The following CRAMP1 variants were observed in gnomAD, a reference collection of about 807,000 sequenced individuals.
CRAMP1 encodes the protein protein cramped-like.
Under a neutral mutation model 115.4 loss-of-function variants are expected in CRAMP1, and 50 were observed. That is an observed-to-expected ratio of 0.43 (90% confidence interval 0.35 to 0.55). The LOEUF is 0.55. Among genes scored for constraint, CRAMP1 ranks in the 20% least tolerant of loss-of-function variants. CRAMP1 has a pLI of 0.01. For missense variants in CRAMP1, 1,679 were observed against 1,721.7 expected (o/e 0.98, Z 0.44); for synonymous variants, 866 against 745.4 (o/e 1.16, Z -2.64).
intron 1 of CRAMP1, among the ~76,000 whole-genome samples, chr16:1,613,900 CAG>C (rs1318307043): frequency 1.3e-5 from 2 of 152,168 alleles, no homozygotes; most frequent in Non-Finnish European, 2.9e-5. Context: ...AGAAGATTCC[CAG>C]AGACCCGGAG....
At chr16:1,632,078 A>C (rs995963484) in intron 3 of CRAMP1, 134 bp from the exon 4 acceptor site, 5 of 929,654 alleles carry the variant, frequency 5.4e-6, no homozygotes, top group African/African-American at 3.4e-5. Flanking sequence ...CACAGATAAG[A>C]GCTTGGAAGG....
At chr16:1,670,630 T>A in intron 19 of CRAMP1, 34 bp from the exon 20 acceptor site, 1 of 1,611,640 alleles carries the variant, frequency 6.2e-7, no homozygotes, top group Non-Finnish European at 8.5e-7. Context: ...CCAAGCAGGG[T>A]TCAGGGTGTT....
intron 11 of CRAMP1, among the ~76,000 whole-genome samples, chr16:1,660,485 G>A (rs1273891741): frequency 6.6e-6 from 1 of 152,120 alleles, no homozygotes; most frequent in Non-Finnish European, 1.5e-5. Flanking sequence ...GTTAACACAA[G>A]TCCCGGAAAG....
chr16:1,655,213 C>G lies in CRAMP1; in HGVS notation c.1038-6C>G, dbSNP rs2036760634. 2 of 1,613,144 alleles carry G rather than the reference C, an allele frequency of 1.2e-6. No individual in the cohort carries two copies. The highest frequency in any genetic ancestry group is 1.7e-6 in the Non-Finnish European group (2 of 1,179,060). ...CCTCACTTCCTCCTGTCTGTCGTCT[C>G]CGTAGGATGATCGTGGAGCTACATC... On this transcript the variant is annotated splice_region_variant and splice_polypyrimidine_tract_variant and intron_variant, in intron 8 of 20. Coordinates refer to ENST00000397412, the MANE Select transcript of CRAMP1 (RefSeq NM_020825.4).
chr16:1,634,669 T>G (rs924791881), intron 4 of CRAMP1, among the ~76,000 whole-genome samples: 2 of 152,060 alleles, frequency 1.3e-5, no homozygotes, highest in Admixed American at 6.5e-5. Context: ...CGTTCTCCCG[T>G]GTTCTCCCGG....
At chr16:1,616,201 A>G (rs777799673) in intron 2 of CRAMP1, among the ~76,000 whole-genome samples, 19 of 152,230 alleles carry the variant, frequency 1.2e-4, no homozygotes, top group Non-Finnish European at 2.2e-4. Flanking sequence ...GGAAAACATG[A>G]GTGGCTTTGC....
At chr16:1,650,327 G>A (rs1435793712) in intron 6 of CRAMP1, among the ~76,000 whole-genome samples, 2 of 152,210 alleles carry the variant, frequency 1.3e-5, no homozygotes, top group African/African-American at 2.4e-5. Context: ...CTGCTTTTCA[G>A]CCAAACTGCG....
chr16:1,669,726 C>T lies in CRAMP1; in HGVS notation c.3499+561C>T, dbSNP rs61032062. On this transcript the variant is annotated intron_variant, in intron 19 of 20. Coordinates refer to ENST00000397412, the MANE Select transcript of CRAMP1 (RefSeq NM_020825.4). This position sits in a 1 kb window ranked among gnomAD's most constrained non-coding sequence, Gnocchi z 4.6. ...GGGGGTGTATCAGGGAAAGGCACACCCTGCTGCTGTTGCCTGCCCAGAGAG... is the reference window on the plus strand; with the variant it reads ...GGGGGTGTATCAGGGAAAGGCACACTCTGCTGCTGTTGCCTGCCCAGAGAG... Among the ~76,000 whole-genome samples, 4 of 152,278 alleles carry T rather than the reference C, an allele frequency of 2.6e-5. No homozygotes were observed. The highest frequency in any genetic ancestry group is 9.6e-5 in the African/African-American group (4 of 41,558).
Position 1,666,436 on chromosome 16 carries a change from G to C in CRAMP1, c.2872G>C (p.Ala958Pro). 1 of 1,613,228 alleles carries C rather than the reference G, an allele frequency of 6.2e-7. No individual in the cohort carries two copies. Among genetic ancestry groups the C allele is most frequent in the Non-Finnish European group, 8.5e-7 (1 of 1,179,532 alleles). Reference protein sequence around the residue: ...TSHLASAIDLAATSAGILSGN... With the variant: ...TSHLASAIDLPATSAGILSGN... ...TTTGTTGCCAGGTGCTATCGACTTA[G>C]CAGCTACAAGTGCCGGCATCCTTTC... is the stretch of plus-strand genomic sequence containing the variant. The change falls in exon 16 of 21, where the codon GCA (alanine) becomes CCA (proline). Residue 958 changes from alanine to proline, a missense_variant. Physicochemically the swap from Ala to Pro is conservative, Grantham distance 27. Around this residue, in one of 8 missense-constraint regions of CRAMP1, gnomAD observed 709 missense variants for 741.9 expected, o/e 0.96. Transcript: ENST00000397412. This position sits in a 1 kb window ranked among gnomAD's most constrained non-coding sequence, Gnocchi z 5.0.
At chr16:1,615,364 C>T (rs1567444953) in intron 2 of CRAMP1, among the ~76,000 whole-genome samples, 1 of 152,122 alleles carries the variant, frequency 6.6e-6, no homozygotes, top group Non-Finnish European at 1.5e-5. Context: ...AGACATCAGG[C>T]GGTGGAAATG....
chr16:1,639,257 A>G (rs2036612656), intron 5 of CRAMP1, among the ~76,000 whole-genome samples: 1 of 152,124 alleles, frequency 6.6e-6, no homozygotes, highest in African/African-American at 2.4e-5. Flanking sequence ...AGAATTGTAC[A>G]AAATGCACAA....
In CRAMP1 at chr16:1,660,068, G is replaced by C. The variant is rs576885008; in HGVS notation, c.2413+5G>C. 17 of 1,547,594 alleles carry C rather than the reference G, an allele frequency of 1.1e-5. 1 individual carries two copies. The South Asian group carries it at 2.0e-4, about 18-fold the overall frequency. On this transcript the variant is annotated splice_donor_5th_base_variant and intron_variant, in intron 11 of 20. Transcript: ENST00000397412. ...GCTCTGCACCCTGCTCCTCAGGTGA[G>C]GCTGTGGCAGCCACACTCCTTGTGC...
At chr16:1,641,913 C>T (rs1051962955) in intron 6 of CRAMP1, among the ~76,000 whole-genome samples, 2 of 152,012 alleles carry the variant, frequency 1.3e-5, no homozygotes, top group African/African-American at 2.4e-5. Flanking sequence ...GGGGGGGGTC[C>T]CCGTTCCACA....
rs188894321 is a variant in CRAMP1 at position 1,671,647 on chromosome 16, C to G, written c.3645+838C>G. On this transcript the variant is annotated intron_variant, in intron 20 of 20. Coordinates refer to ENST00000397412, the MANE Select transcript of CRAMP1 (RefSeq NM_020825.4). The surrounding 1 kb of genome is among the most constrained non-coding windows in gnomAD (Gnocchi z 5.0). ...AGCCCATGTGAAAGTCCTGGAGCAG[C>G]ATTCCCCGAATCTAGTCCCCACAAT... is the stretch of plus-strand genomic sequence containing the variant. Among the ~76,000 whole-genome samples the G allele has an allele frequency of 1.6e-4, 25 of 152,306 alleles. No individual in the cohort carries two copies. Among genetic ancestry groups the G allele is most frequent in the Admixed American group, 1.6e-3 (25 of 15,304 alleles).
chr16:1,662,419 C>T (rs760051905), intron 11 of CRAMP1, 71 bp from the exon 12 acceptor site: 34 of 1,283,464 alleles, frequency 2.6e-5, no homozygotes, highest in Non-Finnish European at 3.7e-5. Context: ...TTCTTCCCAA[C>T]GGAATTCCGT....
Position 1,662,587 on chromosome 16 carries a change from G to A in CRAMP1, c.2511G>A (p.Leu837=). ...GCCTTTTTGCTGTCCCGACAACCTTGCCACCCAACAGCCGACACGGGAAGC... is the reference window on the plus strand; with the variant it reads ...GCCTTTTTGCTGTCCCGACAACCTTACCACCCAACAGCCGACACGGGAAGC... ...DGGLFAVPTT[L]PPNSRHGKLF... The change falls in exon 12 of 21, where the codon TTG becomes TTA. Residue 837 remains leucine, a synonymous_variant. Coordinates refer to ENST00000397412, the MANE Select transcript of CRAMP1 (RefSeq NM_020825.4). 1.2e-6 allele frequency: 2 copies of A among 1,613,926 alleles called. No individual in the cohort carries two copies. Among genetic ancestry groups the A allele is most frequent in the Non-Finnish European group, 1.7e-6 (2 of 1,179,884 alleles).
chr16:1,662,237 T>G (rs887408440), intron 11 of CRAMP1, among the ~76,000 whole-genome samples: 1 of 152,204 alleles, frequency 6.6e-6, no homozygotes, highest in Non-Finnish European at 1.5e-5. Flanking sequence ...CCCTGAGCAC[T>G]GAGCGAAGTG....
At chr16:1,613,071 T>G (rs1360035911) in intron 1 of CRAMP1, among the ~76,000 whole-genome samples, 1 of 151,386 alleles carries the variant, frequency 6.6e-6, no homozygotes, top group African/African-American at 2.4e-5. Flanking sequence ...CCGGGTGGCC[T>G]GCGGGCGGAC....
chr16:1,672,260 A>T lies in CRAMP1; in HGVS notation c.3645+1451A>T, dbSNP rs1210186146. Among the ~76,000 whole-genome samples the T allele has an allele frequency of 2.0e-5, 3 of 152,234 alleles. No individual in the cohort carries two copies. The highest frequency in any genetic ancestry group is 4.4e-5 in the Non-Finnish European group (3 of 68,046). On this transcript the variant is annotated intron_variant, in intron 20 of 20. Coordinates refer to ENST00000397412, the MANE Select transcript of CRAMP1 (RefSeq NM_020825.4). This position sits in a 1 kb window ranked among gnomAD's most constrained non-coding sequence, Gnocchi z 4.9. ...GGAGTGAGTAGCAGAGAAAGGGTGC[A>T]GTTAGTATTTGTGAAACGCTGCCCG... is the stretch of plus-strand genomic sequence containing the variant.
Sources: gnomAD v4.1 joint callset for allele counts (sites outside exome capture counted in the v4.1 genomes callset) on GRCh38, gnomAD v4.1.1 for gene constraint, gnomAD v4.1.1 regional missense constraint, Gnocchi (gnomAD v3.1) non-coding constraint, MANE v1.5 for transcripts, NCBI Gene and HGNC (gene_info 2026-07-23, HGNC 2026-07-21) for gene names.